Variants in AAMDC observed in about 807,000 individuals in gnomAD.
AAMDC encodes adipogenesis associated Mth938 domain containing.
A neutral mutation model predicts 15.5 loss-of-function variants in AAMDC; 16 were observed. The ratio of observed to expected loss-of-function variants is 1.03; its 90% CI spans 0.70 to 1.57. AAMDC has a LOEUF of 1.57. Ranked by LOEUF, AAMDC falls within the 40% of genes most tolerant of loss-of-function variation. The pLI, the probability that AAMDC is intolerant of heterozygous loss-of-function variation, is 0.00. For missense variants in AAMDC, 141 were observed against 144.9 expected, an observed-to-expected ratio of 0.97 and a Z score of 0.14; for synonymous variants, 51 against 51.6, an observed-to-expected ratio of 0.99 and a Z score of 0.05.
intron 5 of AAMDC, among the ~76,000 whole-genome samples, chr11:77,893,168 C>T (rs1952352540): frequency 6.6e-6 from 1 of 152,242 alleles, no homozygotes; most frequent in African/African-American, 2.4e-5. Flanking sequence ...CCTATTTCTT[C>T]ATCAAGCTTT....
downstream of AAMDC, among the ~76,000 whole-genome samples, chr11:77,905,262 G>C (rs1278124995): frequency 1.3e-5 from 2 of 152,064 alleles, no homozygotes; most frequent in Non-Finnish European, 2.9e-5. Flanking sequence ...ATGGAGACCA[G>C]CCTGACCAAC....
At chr11:77,888,589 T>G (rs1162091156) in intron 5 of AAMDC, among the ~76,000 whole-genome samples, 2 of 152,048 alleles carry the variant, frequency 1.3e-5, no homozygotes, top group Non-Finnish European at 2.9e-5. Flanking sequence ...CTAATTAAAC[T>G]AAAGAGCTTC....
At chr11:77,821,720 TCGGGG>T (rs921308300) in intron 1 of AAMDC, among the ~76,000 whole-genome samples, 6 of 150,502 alleles carry the variant, frequency 4.0e-5, no homozygotes, top group African/African-American at 1.2e-4. Flanking sequence ...GGGTTCCACT[TCGGGG>T]CGGGGCGGGG....
chr11:77,844,030 TTCCTC>T (rs1413919762), intron 2 of AAMDC, among the ~76,000 whole-genome samples: 5 of 151,990 alleles, frequency 3.3e-5, no homozygotes, highest in African/African-American at 1.2e-4. Flanking sequence ...TCCCACCGAG[TTCCTC>T]TCACAATATG....
intron 1 of AAMDC, among the ~76,000 whole-genome samples, chr11:77,821,512 CTG>C (rs1300099626): frequency 6.6e-6 from 1 of 151,952 alleles, no homozygotes; most frequent in Non-Finnish European, 1.5e-5. Context: ...GAACGGAACT[CTG>C]GGGGAATCGT....
intron 2 of AAMDC, among the ~76,000 whole-genome samples, chr11:77,863,690 A>AT (rs961638830): frequency 6.6e-6 from 1 of 152,028 alleles, no homozygotes. Context: ...CACCTGGCTG[A>AT]TTTTTTATGA....
chr11:77,858,451 C>A (rs1326490100), intron 2 of AAMDC, among the ~76,000 whole-genome samples: 1 of 151,568 alleles, frequency 6.6e-6, no homozygotes, highest in Non-Finnish European at 1.5e-5. Flanking sequence ...TTGGCTATTT[C>A]TTTACCTCCT....
At chr11:77,836,806 A>C (rs748573867) in intron 1 of AAMDC, among the ~76,000 whole-genome samples, 19 of 152,104 alleles carry the variant, frequency 1.2e-4, no homozygotes, top group Admixed American at 2.6e-4. Flanking sequence ...TCTCTACTAA[A>C]AATACAAAAT....
At chr11:77,868,189 G>A (rs1204757675) in intron 2 of AAMDC, among the ~76,000 whole-genome samples, 2 of 150,842 alleles carry the variant, frequency 1.3e-5, no homozygotes, top group African/African-American at 2.4e-5. Flanking sequence ...CCGAGTAGCT[G>A]GGATTACAGG....
intron 5 of AAMDC, among the ~76,000 whole-genome samples, chr11:77,886,754 C>T (rs970226445): frequency 2.1e-5 from 3 of 142,766 alleles, no homozygotes; most frequent in Admixed American, 6.9e-5. Flanking sequence ...AGGCGCCCGG[C>T]GAGGGGGCGG....
At chr11:77,858,102 T>C (rs1950706610) in intron 2 of AAMDC, among the ~76,000 whole-genome samples, 1 of 151,902 alleles carries the variant, frequency 6.6e-6, no homozygotes, top group South Asian at 2.1e-4. Context: ...CACTATAACC[T>C]GAAACTCCTG....
chr11:77,889,315 A>G (rs113671826), intron 5 of AAMDC, among the ~76,000 whole-genome samples: 25,461 of 148,850 alleles, frequency 0.17, 2,577 homozygotes, highest in African/African-American at 0.27. Context: ...CAAACACCGC[A>G]TGTTCTCACT....
chr11:77,873,789 A>C (rs1466809358), downstream of AAMDC, among the ~76,000 whole-genome samples: 1 of 152,198 alleles, frequency 6.6e-6, no homozygotes, highest in Non-Finnish European at 1.5e-5. Flanking sequence ...AAAAAATGGA[A>C]GGTTCATTAA....
chr11:77,826,541 T>A (rs1004018526), intron 1 of AAMDC, among the ~76,000 whole-genome samples: 3 of 152,244 alleles, frequency 2.0e-5, no homozygotes, highest in Admixed American at 2.0e-4. Flanking sequence ...GTACTGACTG[T>A]TAAACTGTTA....
chr11:77,823,296 GT>G (rs1949016299), intron 1 of AAMDC, among the ~76,000 whole-genome samples: 1 of 150,390 alleles, frequency 6.6e-6, no homozygotes, highest in South Asian at 2.1e-4. Flanking sequence ...TGCCAAAGAA[GT>G]TTTAATTTAA....
At chr11:77,878,567 C>T in intron 5 of AAMDC, 1 of 517,754 alleles carries the variant, frequency 1.9e-6, no homozygotes. Context: ...CACACCGTCA[C>T]TTTAAGAAAT....
chr11:77,874,306 G>A (rs930225091), downstream of AAMDC, among the ~76,000 whole-genome samples: 19 of 151,914 alleles, frequency 1.3e-4, no homozygotes, highest in South Asian at 2.1e-4. Context: ...GGCTCATAAA[G>A]CCAGCCCTCT....
intron 5 of AAMDC, among the ~76,000 whole-genome samples, chr11:77,878,158 C>G (rs192473715): frequency 5.3e-5 from 8 of 152,144 alleles, no homozygotes; most frequent in East Asian, 3.9e-4. Flanking sequence ...GTCAGGAGAT[C>G]AAGACCATCC....
In AAMDC at chr11:77,842,626, G is replaced by T; in HGVS notation, c.130G>T (p.Glu44Ter). ...RTWDWRETGT[E>*]HSPGVQPADV... Reference sequence around the variant, plus strand: ...TTGGGATTGGAGAGAAACAGGAACTGAGGTAAGATATTAGTCTTTGGTTGA... The same window carrying T: ...TTGGGATTGGAGAGAAACAGGAACTTAGGTAAGATATTAGTCTTTGGTTGA... Residue 44 changes from glutamate to a stop codon, truncating the protein, a stop_gained and splice_region_variant, in exon 2 of 4, where the codon GAG becomes TAG. Coordinates refer to ENST00000393427, the MANE Select transcript of AAMDC (RefSeq NM_024684.4). LOFTEE classifies it high-confidence loss of function. 1 of 1,613,712 alleles carries T rather than the reference G, an allele frequency of 6.2e-7. No homozygotes were observed. The highest frequency in any genetic ancestry group is 1.1e-5 in the South Asian group (1 of 90,950).
Sources: allele counts gnomAD v4.1 joint callset (sites outside exome capture counted in the v4.1 genomes callset), GRCh38; gene constraint gnomAD v4.1.1; transcripts MANE v1.5; gene names NCBI Gene and HGNC (gene_info 2026-07-23, HGNC 2026-07-21).